EGFLAM: variants seen among roughly 807,000 people sequenced by gnomAD.
EGFLAM encodes pikachurin.
Under a neutral mutation model 113.1 loss-of-function variants are expected in EGFLAM, and 79 were observed. The ratio of observed to expected loss-of-function variants is 0.70; its 90% CI spans 0.58 to 0.84. The LOEUF is 0.84. Among genes scored for constraint, EGFLAM ranks in the 40% least tolerant of loss-of-function variants. EGFLAM has a pLI of 0.00. For missense variants in EGFLAM, 1,265 were observed against 1,291.6 expected (o/e 0.98, Z 0.32); for synonymous variants, 504 against 487.6 (o/e 1.03, Z -0.44).
At chr5:38,403,991 C>T in intron 6 of EGFLAM, 1 of 1,603,176 alleles carries the variant, frequency 6.2e-7, no homozygotes, top group Non-Finnish European at 8.5e-7. Flanking sequence ...ACACCGCCTC[C>T]CCTTTGTTAT....
intron 3 of EGFLAM, among the ~76,000 whole-genome samples, chr5:38,346,830 T>C (rs1739483358): frequency 6.6e-6 from 1 of 152,122 alleles, no homozygotes; most frequent in Non-Finnish European, 1.5e-5. Context: ...CCACCAAACT[T>C]GACGTGAAAC....
chr5:38,306,993 C>T (rs1419801518), intron 1 of EGFLAM, among the ~76,000 whole-genome samples: 1 of 152,160 alleles, frequency 6.6e-6, no homozygotes, highest in Non-Finnish European at 1.5e-5. Flanking sequence ...CCCGGCTGAG[C>T]TTCTAGCCAA....
chr5:38,453,353 CTT>C (rs2112271278), intron 19 of EGFLAM, among the ~76,000 whole-genome samples: 1 of 152,318 alleles, frequency 6.6e-6, no homozygotes, highest in Non-Finnish European at 1.5e-5. Flanking sequence ...AAGCTGAAGA[CTT>C]AATTCTGGGG....
intron 19 of EGFLAM, among the ~76,000 whole-genome samples, chr5:38,456,092 G>T (rs905326032): frequency 1.3e-5 from 2 of 152,180 alleles, no homozygotes; most frequent in Non-Finnish European, 2.9e-5. Flanking sequence ...GGGGTGCATT[G>T]TCAACCCCGT....
At chr5:38,383,027 C>T (rs976155215) in intron 6 of EGFLAM, among the ~76,000 whole-genome samples, 2 of 152,152 alleles carry the variant, frequency 1.3e-5, no homozygotes, top group African/African-American at 4.8e-5. Context: ...GCAGTAGTTC[C>T]CACACTTACA....
At chr5:38,356,344 T>C (rs1353259771) in intron 5 of EGFLAM, among the ~76,000 whole-genome samples, 1 of 152,192 alleles carries the variant, frequency 6.6e-6, no homozygotes, top group Non-Finnish European at 1.5e-5. Context: ...ATCGAGCAAA[T>C]GCAACCCTCA....
Position 38,258,652 on chromosome 5 carries a change from C to A in EGFLAM, c.-103C>A. ...CTCGCAGCCCCCCACCTCCTCGCCCCGGCCCGGGGATCCGTTGGGGCCGCG... is the reference window on the plus strand; with the variant it reads ...CTCGCAGCCCCCCACCTCCTCGCCCAGGCCCGGGGATCCGTTGGGGCCGCG... On this transcript the variant is annotated 5_prime_UTR_variant, in exon 1 of 22. Coordinates refer to ENST00000322350, the MANE Select transcript of EGFLAM (RefSeq NM_152403.4). 1 of 1,360,220 alleles carries A rather than the reference C, an allele frequency of 7.4e-7. No homozygotes were observed. The highest frequency in any genetic ancestry group is 1.0e-6 in the Non-Finnish European group (1 of 975,578). The allele number at this position is 1,360,220 out of a possible 1,614,324, so 84.3% of individuals were successfully genotyped here.
At chr5:38,265,449 A>G (rs1481467336) in intron 1 of EGFLAM, among the ~76,000 whole-genome samples, 2 of 152,212 alleles carry the variant, frequency 1.3e-5, no homozygotes, top group African/African-American at 4.8e-5. Flanking sequence ...TGAGTTGCTC[A>G]AGGCCCGTGT....
intron 6 of EGFLAM, among the ~76,000 whole-genome samples, chr5:38,405,452 A>C (rs904668471): frequency 6.6e-6 from 1 of 152,122 alleles, no homozygotes; most frequent in Admixed American, 6.6e-5. Context: ...TTCTTTTGCA[A>C]CTTGCATTTT....
In EGFLAM at chr5:38,354,598, C is replaced by T. The variant is rs368552885; in HGVS notation, c.545+2267C>T. 5.9e-5 allele frequency among the ~76,000 whole-genome samples: 9 copies of T among 151,968 alleles called. No individual in the cohort carries two copies. In the South Asian group the frequency reaches 8.3e-4, roughly 14 times the overall value. Reference sequence around the variant, plus strand: ...ATAAAAAATTAGCTGGGCATGGTGGCGGGTACCTGTAATCCCACCTACTCA... The same window carrying T: ...ATAAAAAATTAGCTGGGCATGGTGGTGGGTACCTGTAATCCCACCTACTCA... On this transcript the variant is annotated intron_variant, in intron 5 of 21. Transcript: ENST00000322350.
chr5:38,338,873 A>G (rs1158692407), intron 3 of EGFLAM, 92 bp downstream of exon 3: 1 of 1,009,248 alleles, frequency 9.9e-7, no homozygotes, highest in East Asian at 2.5e-5. Flanking sequence ...TGTACATGTA[A>G]TAATAATAAC....
chr5:38,364,287 G>T (rs890266947), intron 5 of EGFLAM, among the ~76,000 whole-genome samples: 1 of 152,176 alleles, frequency 6.6e-6, no homozygotes, highest in Admixed American at 6.5e-5. Flanking sequence ...TTGTAGGCAG[G>T]CATGGCGATC....
rs1758131870 is a variant in EGFLAM, at chr5:38,285,375, T to TA, written c.97+26530dup. Among the ~76,000 whole-genome samples, 3 of 152,264 alleles carry TA rather than the reference T, an allele frequency of 2.0e-5. No individual in the cohort carries two copies. The South Asian group carries it at 6.2e-4, about 32-fold the overall frequency. On this transcript the variant is annotated intron_variant, in intron 1 of 21. Transcript: ENST00000322350. ...ACTTGTATTTCATTCATCTACAAAA[T>TA]AAAAAATCATGTGATCAAAACAGTG...
At chr5:38,332,578 G>A (rs894694387) in intron 1 of EGFLAM, among the ~76,000 whole-genome samples, 16 of 152,194 alleles carry the variant, frequency 1.1e-4, no homozygotes, top group African/African-American at 4.8e-5. Context: ...ACAGCCTTCA[G>A]AGCTGAAAGC....
chr5:38,403,981 A>G, intron 6 of EGFLAM: 1 of 1,608,204 alleles, frequency 6.2e-7, no homozygotes, highest in Non-Finnish European at 8.5e-7. Flanking sequence ...AGGGATGAGA[A>G]CACCGCCTCC....
At chr5:38,462,089 AC>A (rs948667593) in intron 20 of EGFLAM, among the ~76,000 whole-genome samples, 19 of 151,966 alleles carry the variant, frequency 1.3e-4, no homozygotes, top group East Asian at 5.8e-4. Context: ...AATGGCGTGA[AC>A]CCCGGGGGGC....
chr5:38,461,888 G>A (rs1478592172), intron 20 of EGFLAM, among the ~76,000 whole-genome samples: 8 of 152,064 alleles, frequency 5.3e-5, no homozygotes, highest in African/African-American at 1.7e-4. Flanking sequence ...GCCACTGGCC[G>A]GGTGCAGTGG....
chr5:38,297,742 A>G (rs1400152055), intron 1 of EGFLAM, among the ~76,000 whole-genome samples: 1 of 152,230 alleles, frequency 6.6e-6, no homozygotes, highest in African/African-American at 2.4e-5. Flanking sequence ...GATTAGCGCC[A>G]AAGGATCATG....
chr5:38,463,070 C>G (rs1287755893), intron 21 of EGFLAM, 59 bp downstream of exon 21: 5 of 1,535,426 alleles, frequency 3.3e-6, no homozygotes, highest in Non-Finnish European at 2.7e-6. Context: ...TGTTAGTCTT[C>G]CATTTGCTGT....
Sources: allele counts gnomAD v4.1 joint callset (sites outside exome capture counted in the v4.1 genomes callset), GRCh38; gene constraint gnomAD v4.1.1; transcripts MANE v1.5; gene names NCBI Gene and HGNC (gene_info 2026-07-23, HGNC 2026-07-21).